The following VAC14 variants were observed in gnomAD, a reference collection of about 807,000 sequenced individuals.
VAC14 encodes the protein VAC14 component of PIKFYVE complex.
In VAC14, 47 loss-of-function variants were observed where a neutral mutation model predicts 85.3. The observed-to-expected ratio is 0.55, with a 90% CI of 0.44 to 0.70. The LOEUF is 0.70. VAC14 is among the 30% of genes least tolerant of loss of function. The pLI is 0.00. For synonymous variants in VAC14, 447 were observed against 430.5 expected (o/e 1.04, Z -0.47); for missense variants, 861 against 1,004.3 (o/e 0.86, Z 1.93).
intron 14 of VAC14, among the ~76,000 whole-genome samples, chr16:70,718,045 A>C (rs2054204829): frequency 6.6e-6 from 1 of 152,260 alleles, no homozygotes; most frequent in Non-Finnish European, 1.5e-5. Flanking sequence ...CCTGCGTTCC[A>C]GGAGCTGAGC....
At chr16:70,743,954 C>A (rs1273280217) in intron 13 of VAC14, among the ~76,000 whole-genome samples, 1 of 152,078 alleles carries the variant, frequency 6.6e-6, no homozygotes, top group African/African-American at 2.4e-5. Flanking sequence ...CCAAGGACTG[C>A]CCAGAAACAG....
intron 14 of VAC14, among the ~76,000 whole-genome samples, chr16:70,710,588 G>A (rs987709331): frequency 2.0e-5 from 3 of 152,226 alleles, no homozygotes; most frequent in Admixed American, 6.5e-5. Flanking sequence ...TACTTCAGGC[G>A]ACGATTCCCA....
intron 10 of VAC14, among the ~76,000 whole-genome samples, chr16:70,765,396 T>C (rs1053537302): frequency 6.6e-6 from 1 of 152,090 alleles, no homozygotes; most frequent in African/African-American, 2.4e-5. Flanking sequence ...TCTGAGCCCC[T>C]GGGGGGAATA....
At chr16:70,778,938 A>C (rs1047789566) in intron 9 of VAC14, 1 of 152,224 alleles carries the variant, frequency 6.6e-6, no homozygotes, top group Non-Finnish European at 1.5e-5. Flanking sequence ...CCCAGTAAAA[A>C]AAGCTCCTCC....
chr16:70,760,119 G>A (rs1367679432), intron 12 of VAC14, among the ~76,000 whole-genome samples: 1 of 152,220 alleles, frequency 6.6e-6, no homozygotes, highest in Non-Finnish European at 1.5e-5. Flanking sequence ...AGCTGGAAGT[G>A]AGAGCCTTCG....
At chr16:70,778,138 A>C (rs1035119038) in intron 9 of VAC14, among the ~76,000 whole-genome samples, 16 of 152,208 alleles carry the variant, frequency 1.1e-4, no homozygotes. Flanking sequence ...TATCCTGGTT[A>C]GGGTAATACT....
At chr16:70,726,464 C>T (rs1283259455) in intron 14 of VAC14, among the ~76,000 whole-genome samples, 17 of 152,220 alleles carry the variant, frequency 1.1e-4, no homozygotes, top group Non-Finnish European at 2.4e-4. Flanking sequence ...AACAACAGCC[C>T]CGCTTTATCA....
At chr16:70,709,137 C>A (rs79893325) in intron 14 of VAC14, among the ~76,000 whole-genome samples, 2,996 of 152,322 alleles carry the variant, frequency 0.02, 67 homozygotes, top group African/African-American at 0.056. Flanking sequence ...ACATTCAACT[C>A]CTCAGCATGG....
rs2054590505 is a variant in VAC14 at position 70,731,509 on chromosome 16, G to A, written c.1647C>T (p.Gly549=). The A allele has an allele frequency of 6.2e-7, 1 of 1,613,866 alleles. No individual in the cohort carries two copies. Among genetic ancestry groups the A allele is most frequent in the South Asian group, 1.1e-5 (1 of 91,074 alleles). Residue 549 remains glycine (G), a synonymous_variant, in exon 14 of 19, where the codon GGC becomes GGT. Transcript: ENST00000261776. The stretch of plus-strand genomic sequence containing the variant: ...CCAAGGCTGACCTGATGATGAAAGG[G>A]CCTCTGACCTCCAGGAGCTTCCGTT... ...SSERKLLEVR[G]PFIIRQLCLL... is the part of the protein sequence containing the mutation.
rs916173619 is a variant in VAC14, at chr16:70,690,457, T to TG, written c.2186+2363dup. ...AGGACTCAGGGCCGGCTCTCACTCT[T>TG]GCCATCCCACCCATGCACCTGTTGC... On this transcript the variant is annotated intron_variant, in intron 18 of 18. Coordinates refer to ENST00000261776, the MANE Select transcript of VAC14 (RefSeq NM_018052.5). The TG allele has an allele frequency of 3.9e-5, 38 of 985,638 alleles. No homozygotes were observed. In the African/African-American group the frequency reaches 6.6e-4, roughly 17 times the overall value. The allele number at this position is 985,638 out of a possible 1,614,324, so 61.1% of individuals were successfully genotyped here.
At chr16:70,778,213 C>T (rs550526027) in intron 9 of VAC14, among the ~76,000 whole-genome samples, 3 of 152,310 alleles carry the variant, frequency 2.0e-5, no homozygotes, top group Admixed American at 6.5e-5. Flanking sequence ...AGATAGGCTG[C>T]ACTGGCCGGG....
chr16:70,699,185 G>A lies in VAC14; in HGVS notation c.1662-374C>T, dbSNP rs59006070. ...TGGCCCCCACCCCAGGCCAAGACAC[G>A]CCTGTCCCCTGCTGGGCTTTCTTCT... On this transcript the variant is annotated intron_variant, in intron 14 of 18. Transcript: ENST00000261776. 1,662 of 231,096 alleles carry A rather than the reference G, an allele frequency of 7.2e-3. 28 individuals are homozygous for A. Among genetic ancestry groups the A allele is most frequent in the African/African-American group, 0.035 (1,592 of 45,518 alleles). The allele number at this position is 231,096 out of a possible 1,614,324, so 14.3% of individuals were successfully genotyped here. A position where few individuals can be genotyped will look rare whatever the true frequency, so the allele number is the denominator to read the frequency against.
Position 70,780,853 on chromosome 16 carries a change from C to G in VAC14, c.1033G>C (p.Gly345Arg). ...EDDELDELRP[G>R]QRQAEPTPDD... ...GGGGTGGGCTCTGCCTGCCTCTGCC[C>G]AGGTCTCAGCTCATCCAGCTCGTCG... The change falls in exon 9 of 19, where the codon GGG becomes CGG. Residue 345 changes from glycine (G) to arginine (R), a missense_variant. Around this residue, in one of 3 missense-constraint regions of VAC14, gnomAD observed 629 missense variants for 703.1 expected, o/e 0.89. Transcript: ENST00000261776. 1.2e-6 allele frequency: 2 copies of G among 1,614,088 alleles called. No individual in the cohort carries two copies. The highest frequency in any genetic ancestry group is 1.1e-5 in the South Asian group (1 of 91,078).
intron 13 of VAC14, among the ~76,000 whole-genome samples, chr16:70,739,416 A>G (rs912542836): frequency 3.3e-5 from 5 of 152,236 alleles, no homozygotes; most frequent in Non-Finnish European, 1.5e-5. Context: ...GCCTGAGGCC[A>G]GGAAGGGGTC....
chr16:70,773,006 AG>A (rs1162022658), intron 9 of VAC14: 1 of 152,230 alleles, frequency 6.6e-6, no homozygotes, highest in Non-Finnish European at 1.5e-5. Context: ...CTTTCTCGAA[AG>A]TGTTTAGAAC....
intron 12 of VAC14, chr16:70,761,013 G>GCA (rs1567577574): frequency 2.9e-6 from 1 of 339,372 alleles, no homozygotes; most frequent in Non-Finnish European, 5.7e-6. Context: ...GTGTGTGTGT[G>GCA]TGTGTGCATG....
Position 70,763,627 on chromosome 16 carries a change from GAGAGA to G in VAC14, c.1161-607_1161-603del, listed in dbSNP as rs1222402472. On this transcript the variant is annotated intron_variant, in intron 10 of 18. Coordinates refer to ENST00000261776, the MANE Select transcript of VAC14 (RefSeq NM_018052.5). Reference sequence around the variant, plus strand: ...AGGGCACTCAGCACATTTGGCCTAGGAGAGACACCCTTGAGAGTTAAGACCAAAAT... The same window carrying G: ...AGGGCACTCAGCACATTTGGCCTAGGCACCCTTGAGAGTTAAGACCAAAAT... 6.6e-5 allele frequency among the ~76,000 whole-genome samples: 10 copies of G among 152,336 alleles called. No homozygotes were observed. The East Asian group carries it at 1.7e-3, about 26-fold the overall frequency.
intron 9 of VAC14, among the ~76,000 whole-genome samples, chr16:70,773,880 C>A (rs553025449): frequency 2.6e-5 from 4 of 152,066 alleles, no homozygotes; most frequent in Non-Finnish European, 5.9e-5. Context: ...TTGAGCCCAC[C>A]TCAGCTTCCA....
intron 12 of VAC14, among the ~76,000 whole-genome samples, chr16:70,751,819 A>G (rs2143019173): frequency 1.3e-5 from 2 of 152,314 alleles, no homozygotes; most frequent in South Asian, 2.1e-4. Context: ...CCTGGACACA[A>G]AGTAAACATG....
Sources: allele counts gnomAD v4.1 joint callset (sites outside exome capture counted in the v4.1 genomes callset), GRCh38; gene constraint gnomAD v4.1.1; regional missense constraint gnomAD v4.1.1; transcripts MANE v1.5; gene names NCBI Gene and HGNC (gene_info 2026-07-23, HGNC 2026-07-21).